DMXL2: variants seen among roughly 807,000 people sequenced by gnomAD.
DMXL2 encodes the protein dmX-like protein 2.
DMXL2 carries 103 observed loss-of-function variants against 331.1 expected under a neutral mutation model. The ratio of observed to expected loss-of-function variants is 0.31; its 90% confidence interval spans 0.27 to 0.37. DMXL2 has a LOEUF of 0.37. Among genes scored for constraint, DMXL2 ranks in the 10% least tolerant of loss-of-function variants. DMXL2 has a pLI of 1.00. For synonymous variants in DMXL2, 1,281 were observed against 1,252.1 expected, an observed-to-expected ratio of 1.02 and a Z score of -0.49; for missense variants, 3,171 against 3,642.9, an observed-to-expected ratio of 0.87 and a Z score of 3.33.
Position 51,495,130 on chromosome 15 carries a change from T to C in DMXL2, c.4677A>G (p.Arg1559=). The stretch of plus-strand genomic sequence containing the variant: ...TCAAACCACACTCATCTAATGTATC[T>C]CTTCCTGTAATTTAAACAGGAAATA... ...DESRDKSCSG[R]DTLDECGLRY... is the part of the protein sequence containing the mutation. Residue 1559 remains arginine (R), a synonymous_variant, in exon 19 of 44, where the codon AGA becomes AGG. Coordinates refer to ENST00000560891, the MANE Select transcript of DMXL2 (RefSeq NM_001378457.1). 6.2e-7 allele frequency: 1 copy of C among 1,605,918 alleles called. No homozygotes were observed. The highest frequency in any genetic ancestry group is 1.1e-5 in the South Asian group (1 of 90,560).
rs753817711 is a variant in DMXL2 at position 51,459,582 on chromosome 15, G to A, written c.7989+16C>T. ...ACTTTAAAGAATGAGCTAAATACAA[G>A]ATCTTGGAATACTACCTTGATGTGG... On this transcript the variant is annotated intron_variant, in intron 34 of 43. Coordinates refer to ENST00000560891, the MANE Select transcript of DMXL2 (RefSeq NM_001378457.1). The A allele has an allele frequency of 4.7e-6, 6 of 1,289,488 alleles. No individual in the cohort carries two copies. The highest frequency in any genetic ancestry group is 6.1e-6 in the Non-Finnish European group (6 of 988,706). 79.9% of individuals were successfully genotyped at this position (1,289,488 alleles called of 1,614,324 possible).
At chr15:51,468,770 C>CA (rs1301214849) in intron 29 of DMXL2, among the ~76,000 whole-genome samples, 2 of 152,110 alleles carry the variant, frequency 1.3e-5, no homozygotes, top group Non-Finnish European at 2.9e-5. Context: ...CAGAAATATA[C>CA]AAAACCACCT....
rs144927670 is a variant in DMXL2, at chr15:51,599,568, T to C, written c.87+22891A>G. On this transcript the variant is annotated intron_variant, in intron 1 of 43. Coordinates refer to ENST00000560891, the MANE Select transcript of DMXL2 (RefSeq NM_001378457.1). ...ATGTCTGTTTAAATATACACAAATA[T>C]ATGCATGTATACATACACACATTAT... 4.5e-4 allele frequency among the ~76,000 whole-genome samples: 68 copies of C among 152,362 alleles called. 1 individual carries two copies. Among genetic ancestry groups the C allele is most frequent in the African/African-American group, 1.5e-3 (64 of 41,582 alleles).
At position 51,502,306 on chromosome 15, in the gene DMXL2, T is replaced by TTGTGTGTGTGTGTG. The variant is rs769283309; in HGVS notation, c.2992+486_2992+499dup. On this transcript the variant is annotated intron_variant, in intron 17 of 43. Coordinates refer to ENST00000560891, the MANE Select transcript of DMXL2 (RefSeq NM_001378457.1). Reference sequence around the variant, plus strand: ...ATTTATCACAGGAAATTTTGTGGGTTTGTGTGTGTGTGTGTGTGTGTGTGT... The same window carrying TTGTGTGTGTGTGTG: ...ATTTATCACAGGAAATTTTGTGGGTTTGTGTGTGTGTGTGTGTGTGTGTGTGTGTGTGTGTGTGT... Among the ~76,000 whole-genome samples the TTGTGTGTGTGTGTG allele has an allele frequency of 4.7e-3, 664 of 140,612 alleles. 10 individuals are homozygous for TTGTGTGTGTGTGTG. Among genetic ancestry groups the TTGTGTGTGTGTGTG allele is most frequent in the African/African-American group, 0.015 (558 of 37,042 alleles). The allele number at this position is 140,612 out of a possible 152,430, so 92.2% of individuals were successfully genotyped here.
chr15:51,553,592 A>G (rs545444894), intron 6 of DMXL2, among the ~76,000 whole-genome samples: 3 of 152,326 alleles, frequency 2.0e-5, no homozygotes, highest in African/African-American at 7.2e-5. Flanking sequence ...CACCCAAGAC[A>G]GCAAGACCAA....
chr15:51,456,201 A>C lies in DMXL2; in HGVS notation c.8399-8T>G, dbSNP rs370064925. ...CCTGAGCACCTGTAAGATCTGAAAC[A>C]CAAGAGAAAAAGCAGGAAATAAGAA... On this transcript the variant is annotated splice_polypyrimidine_tract_variant and splice_region_variant and intron_variant, in intron 38 of 43. Coordinates refer to ENST00000560891, the MANE Select transcript of DMXL2 (RefSeq NM_001378457.1). 3.0e-4 allele frequency: 488 copies of C among 1,606,178 alleles called. No homozygotes were observed. The highest frequency in any genetic ancestry group is 4.0e-4 in the Non-Finnish European group (469 of 1,177,252).
At chr15:51,558,425 T>A (rs2049739661) in intron 6 of DMXL2, among the ~76,000 whole-genome samples, 1 of 152,178 alleles carries the variant, frequency 6.6e-6, no homozygotes, top group South Asian at 2.1e-4. Context: ...TCTATTTTCA[T>A]AAATGCTAAT....
rs544594373 is a variant in DMXL2 at position 51,530,166 on chromosome 15, A to G, written c.2436+5497T>C. Among the ~76,000 whole-genome samples the G allele has an allele frequency of 3.3e-5, 5 of 152,296 alleles. No individual in the cohort carries two copies. The South Asian group carries it at 1.0e-3, about 32-fold the overall frequency. ...ACTGAAAGCCTTTCCTCTAAGATCT[A>G]GAACACAATAAGGATGCTCACTTTC... is the stretch of plus-strand genomic sequence containing the variant. On this transcript the variant is annotated intron_variant, in intron 13 of 43. Coordinates refer to ENST00000560891, the MANE Select transcript of DMXL2 (RefSeq NM_001378457.1).
chr15:51,473,569 CACAG>C (rs2041311192), intron 28 of DMXL2, among the ~76,000 whole-genome samples: 1 of 152,208 alleles, frequency 6.6e-6, no homozygotes. Flanking sequence ...TTAACTCAAT[CACAG>C]ACAATGAAGA....
chr15:51,520,494 C>T (rs1290308109), intron 13 of DMXL2, among the ~76,000 whole-genome samples: 2 of 152,172 alleles, frequency 1.3e-5, no homozygotes. Flanking sequence ...TATGGGCTTG[C>T]TAATGGGAAT....
At chr15:51,550,274 C>A (rs207475488) in intron 6 of DMXL2, among the ~76,000 whole-genome samples, 1 of 152,086 alleles carries the variant, frequency 6.6e-6, no homozygotes, top group African/African-American at 2.4e-5. Context: ...AGGGACAACC[C>A]TTCCCCTCAA....
In DMXL2 at chr15:51,481,627, T is replaced by C. The variant is rs2042014239; in HGVS notation, c.5483-4A>G. On this transcript the variant is annotated splice_region_variant and splice_polypyrimidine_tract_variant and intron_variant, in intron 23 of 43. Coordinates refer to ENST00000560891, the MANE Select transcript of DMXL2 (RefSeq NM_001378457.1). ...GGGTTACAAGACTTGATGATAACTA[T>C]AGAAATCAAACAGATAAAATCACAA... 2.6e-6 allele frequency: 4 copies of C among 1,529,668 alleles called. No homozygotes were observed. Among genetic ancestry groups the C allele is most frequent in the South Asian group, 1.3e-5 (1 of 76,678 alleles). 94.8% of individuals were successfully genotyped at this position (1,529,668 alleles called of 1,614,324 possible).
In DMXL2 at chr15:51,622,482, T is replaced by G. The variant is rs1199131479; in HGVS notation, c.64A>C (p.Ser22Arg). Residue 22 changes from serine to arginine, a missense_variant, in exon 1 of 44, where the codon AGC becomes CGC. By Grantham distance (110) the Ser-to-Arg change is moderately radical. Coordinates refer to ENST00000560891, the MANE Select transcript of DMXL2 (RefSeq NM_001378457.1). ...NPGDNCYSVG[S>R]VGDVPFTAYG... is the part of the protein sequence containing the mutation. ...ACCGTGAAGGGGACATCCCCGACGC[T>G]GCCCACGGAGTAGCAGTTGTCTCCA... The G allele has an allele frequency of 6.4e-7, 1 of 1,568,652 alleles. No individual in the cohort carries two copies. Among genetic ancestry groups the G allele is most frequent in the African/African-American group, 1.4e-5 (1 of 73,638 alleles).
At chr15:51,502,231 T>TAAA (rs531734454) in intron 17 of DMXL2, among the ~76,000 whole-genome samples, 5 of 114,774 alleles carry the variant, frequency 4.4e-5, no homozygotes, top group East Asian at 2.6e-4. Flanking sequence ...AGACTCCGTC[T>TAAA]AAAAAAAAAA....
intron 7 of DMXL2, 105 bp downstream of exon 7, chr15:51,547,125 G>T: frequency 3.0e-6 from 3 of 997,682 alleles, no homozygotes; most frequent in Non-Finnish European, 2.9e-6. Flanking sequence ...TGATGCCAGA[G>T]CCTATGCTAT....
At chr15:51,591,374 G>A (rs1351970192) in intron 1 of DMXL2, among the ~76,000 whole-genome samples, 2 of 152,188 alleles carry the variant, frequency 1.3e-5, no homozygotes, top group African/African-American at 4.8e-5. Context: ...AGGTGGCAGT[G>A]CGGCTGGGGG....
chr15:51,593,507 G>A (rs1385827082), intron 1 of DMXL2, among the ~76,000 whole-genome samples: 7 of 152,128 alleles, frequency 4.6e-5, no homozygotes, highest in Non-Finnish European at 8.8e-5. Context: ...ACAGATCAAC[G>A]AGACAGAAGG....
chr15:51,592,560 C>A (rs1392404197), intron 1 of DMXL2, among the ~76,000 whole-genome samples: 1 of 152,140 alleles, frequency 6.6e-6, no homozygotes, highest in Non-Finnish European at 1.5e-5. Flanking sequence ...TCAGGAAATA[C>A]AGAGAACGCC....
intron 13 of DMXL2, among the ~76,000 whole-genome samples, chr15:51,520,871 AATAAATAC>A (rs903417077): frequency 3.9e-5 from 6 of 152,110 alleles, no homozygotes; most frequent in African/African-American, 1.2e-4. Context: ...TAAATAAATA[AATAAATAC>A]ATAAATACAT....
Sources: gnomAD v4.1 joint callset for allele counts (sites outside exome capture counted in the v4.1 genomes callset) on GRCh38, gnomAD v4.1.1 for gene constraint, MANE v1.5 for transcripts, NCBI Gene and HGNC (gene_info 2026-07-23, HGNC 2026-07-21) for gene names.